ANOS1: variants seen among roughly 807,000 people sequenced by gnomAD.
ANOS1 encodes the protein anosmin-1.
Under a neutral mutation model 59.0 loss-of-function variants are expected in ANOS1, and 6 were observed. The observed-to-expected ratio is 0.10, with a 90% CI of 0.06 to 0.20. The LOEUF is 0.20. Among genes scored for constraint, ANOS1 ranks in the 10% least tolerant of loss-of-function variants. The probability of loss-of-function intolerance (pLI) is 1.00; values close to 1 mark genes in which losing one functional copy is unlikely to be tolerated. For synonymous variants in ANOS1, 217 were observed against 223.4 expected, an observed-to-expected ratio of 0.97 and a Z score of 0.25; for missense variants, 433 against 542.3, an observed-to-expected ratio of 0.80 and a Z score of 2.00.
chrX:8,568,394 A>T lies in ANOS1; in HGVS notation c.1063-18T>A, dbSNP rs756097273. On this transcript the variant is annotated intron_variant, in intron 7 of 13. Coordinates refer to ENST00000262648, the MANE Select transcript of ANOS1 (RefSeq NM_000216.4). ...TTTTGAAACTAGAAATTAAGAGAAT[A>T]TACCCAAAATGCGTTACAAACCTTC... 2 of 1,198,228 alleles carry T rather than the reference A, an allele frequency of 1.7e-6. No homozygotes were observed. The highest frequency in any genetic ancestry group is 2.3e-6 in the Non-Finnish European group (2 of 883,412).
rs982754101 is a variant in ANOS1 at position 8,561,461 on chromosome X, G to A, written c.1207+6771C>T. Among the ~76,000 whole-genome samples the A allele has an allele frequency of 6.2e-5, 5 of 80,434 alleles. No homozygotes were observed. In the East Asian group the frequency reaches 1.4e-3, roughly 22 times the overall value. 69.8% of individuals were successfully genotyped at this position (80,434 alleles called of 115,157 possible). ...ACTACAGGCGCTCACCACCATGCCC[G>A]GCTAATTTTTTTTTTTTTTTTTTTT... is the stretch of plus-strand genomic sequence containing the variant. On this transcript the variant is annotated intron_variant, in intron 8 of 13. Transcript: ENST00000262648.
At chrX:8,666,288 G>A (rs950183430) in intron 2 of ANOS1, among the ~76,000 whole-genome samples, 2 of 111,526 alleles carry the variant, frequency 1.8e-5, no homozygotes, top group Non-Finnish European at 3.8e-5. Context: ...CCAGTATGAA[G>A]AGTCCCCTTT....
Position 8,576,454 on chromosome X carries a change from TTA to T in ANOS1, c.857-5752_857-5751del, listed in dbSNP as rs534495526. Among the ~76,000 whole-genome samples, 330 of 97,604 alleles carry T rather than the reference TTA, an allele frequency of 3.4e-3. 1 individual carries two copies. The highest frequency in any genetic ancestry group is 0.011 in the African/African-American group (273 of 24,777). 84.8% of individuals were successfully genotyped at this position (97,604 alleles called of 115,157 possible). On this transcript the variant is annotated intron_variant, in intron 6 of 13. Coordinates refer to ENST00000262648, the MANE Select transcript of ANOS1 (RefSeq NM_000216.4). ...GTAGTTGGAGATTTCCATGTGAAAT[TTA>T]TATATATATATACACACACACACAC...
chrX:8,605,829 C>T (rs1930931865), intron 3 of ANOS1, among the ~76,000 whole-genome samples: 1 of 111,198 alleles, frequency 9.0e-6, no homozygotes. Flanking sequence ...ATTTTTCAGG[C>T]ATTCAGGTAA....
chrX:8,549,094 G>A (rs1472909752), intron 9 of ANOS1, among the ~76,000 whole-genome samples: 1 of 111,795 alleles, frequency 8.9e-6, no homozygotes, highest in Non-Finnish European at 1.9e-5. Context: ...TTTGGATCTT[G>A]TCCCTTTATC....
chrX:8,573,247 G>T (rs1930264405), intron 6 of ANOS1, among the ~76,000 whole-genome samples: 1 of 110,062 alleles, frequency 9.1e-6, no homozygotes. Flanking sequence ...TATTTTTGTA[G>T]AGATGGGGTT....
intron 2 of ANOS1, among the ~76,000 whole-genome samples, chrX:8,655,193 T>A (rs186264239): frequency 3.6e-5 from 4 of 111,712 alleles, no homozygotes; most frequent in African/African-American, 6.5e-5. Flanking sequence ...AGAATCAGTG[T>A]GAGCCCTGAG....
At chrX:8,564,844 C>T (rs938470822) in intron 8 of ANOS1, among the ~76,000 whole-genome samples, 2 of 111,244 alleles carry the variant, frequency 1.8e-5, no homozygotes, top group Non-Finnish European at 3.8e-5. Context: ...TATGGGGAAC[C>T]GCATGGCTTA....
intron 3 of ANOS1, among the ~76,000 whole-genome samples, chrX:8,598,514 T>C: frequency 9.0e-6 from 1 of 111,501 alleles, no homozygotes; most frequent in South Asian, 3.8e-4. Flanking sequence ...GGAAGGATGC[T>C]CTCTGTGCTC....
At chrX:8,594,697 T>TACAC (rs1163479096) in intron 4 of ANOS1, among the ~76,000 whole-genome samples, 7 of 18,555 alleles carry the variant, frequency 3.8e-4, no homozygotes, top group African/African-American at 2.0e-3. Context: ...TATATATATA[T>TACAC]ACACATATAT....
At chrX:8,608,948 A>G (rs1466845998) in intron 3 of ANOS1, among the ~76,000 whole-genome samples, 2 of 112,461 alleles carry the variant, frequency 1.8e-5, no homozygotes, top group Non-Finnish European at 3.7e-5. Context: ...TCCTTTATAA[A>G]TTACCCAGTC....
intron 1 of ANOS1, among the ~76,000 whole-genome samples, chrX:8,727,905 C>T (rs755561321): frequency 8.9e-6 from 1 of 112,520 alleles, no homozygotes; most frequent in Non-Finnish European, 1.9e-5. Context: ...TAGCGTCATG[C>T]TAAAATTAAA....
At chrX:8,669,170 A>G (rs1473984288) in intron 2 of ANOS1, among the ~76,000 whole-genome samples, 1 of 111,786 alleles carries the variant, frequency 8.9e-6, no homozygotes, top group Non-Finnish European at 1.9e-5. Context: ...AATAGCCAAA[A>G]GAGAAAGGGA....
chrX:8,709,055 T>C (rs1479193075), intron 1 of ANOS1, among the ~76,000 whole-genome samples: 3 of 108,067 alleles, frequency 2.8e-5, no homozygotes, highest in Admixed American at 9.9e-5. Context: ...TAAGTGGGAG[T>C]TGAACAATGA....
At position 8,576,491 on chromosome X, in the gene ANOS1, TACACAC is replaced by T. The variant is rs769843705; in HGVS notation, c.857-5793_857-5788del. ...ATACACACACACACACACACACACA[TACACAC>T]ACACACACACACACACACACATATA... On this transcript the variant is annotated intron_variant, in intron 6 of 13. Coordinates refer to ENST00000262648, the MANE Select transcript of ANOS1 (RefSeq NM_000216.4). 6.0e-3 allele frequency among the ~76,000 whole-genome samples: 558 copies of T among 93,459 alleles called. 4 individuals carry two copies. The highest frequency in any genetic ancestry group is 0.02 in the African/African-American group (505 of 25,555). 81.2% of individuals were successfully genotyped at this position (93,459 alleles called of 115,157 possible).
At chrX:8,576,469 C>T (rs182723176) in intron 6 of ANOS1, among the ~76,000 whole-genome samples, 5,807 of 92,902 alleles carry the variant, frequency 0.063, 343 homozygotes, top group African/African-American at 0.23. Context: ...TATATATATA[C>T]ACACACACAC....
At chrX:8,683,714 G>T (rs989563209) in intron 2 of ANOS1, among the ~76,000 whole-genome samples, 1 of 111,817 alleles carries the variant, frequency 8.9e-6, no homozygotes, top group African/African-American at 3.2e-5. Context: ...TGAAAGAGAG[G>T]CTTCAATTCT....
intron 2 of ANOS1, among the ~76,000 whole-genome samples, chrX:8,640,467 T>C (rs1274792128): frequency 4.5e-5 from 5 of 110,334 alleles, no homozygotes; most frequent in African/African-American, 1.7e-4. Flanking sequence ...ATCAATTCGA[T>C]TGAGCCGTGA....
At chrX:8,602,185 T>C (rs1190463760) in intron 3 of ANOS1, among the ~76,000 whole-genome samples, 1 of 112,318 alleles carries the variant, frequency 8.9e-6, no homozygotes, top group African/African-American at 3.2e-5. Flanking sequence ...TGAAAAAATA[T>C]TATTTGTTTG....
Sources: gnomAD v4.1 joint callset for allele counts (sites outside exome capture counted in the v4.1 genomes callset) on GRCh38, gnomAD v4.1.1 for gene constraint, MANE v1.5 for transcripts, NCBI Gene and HGNC (gene_info 2026-07-23, HGNC 2026-07-21) for gene names.